Variants in SDK2 observed in about 807,000 individuals in gnomAD.
SDK2 encodes sidekick cell adhesion molecule 2.
Under a neutral mutation model 253.9 loss-of-function variants are expected in SDK2, and 105 were observed. The ratio of observed to expected loss-of-function variants is 0.41; its 90% CI spans 0.35 to 0.49. The LOEUF (loss-of-function observed/expected upper bound fraction) is 0.49, where lower values mean the gene tolerates loss of function less well. Ranked by LOEUF, SDK2 falls within the 20% of genes least tolerant of loss-of-function variation. The probability of loss-of-function intolerance (pLI) is 0.06; values close to 1 mark genes in which losing one functional copy is unlikely to be tolerated. For missense variants in SDK2, 2,608 were observed against 3,003.0 expected (o/e 0.87, Z 3.07); for synonymous variants, 1,249 against 1,234.9 (o/e 1.01, Z -0.24).
rs1250479452 is a variant in SDK2 at position 73,414,737 on chromosome 17, A to G, written c.2391T>C (p.Asn797=). ...TGGAATTGGTGGCTTCCGCGTGCACATTGCCCGGAGGGACCGTGGGAACTA... is the reference window on the plus strand; with the variant it reads ...TGGAATTGGTGGCTTCCGCGTGCACGTTGCCCGGAGGGACCGTGGGAACTA... The part of the protein sequence containing the change: ...LQGVPTVPPG[N]VHAEATNSTT... The change falls in exon 18 of 45, where the codon AAT becomes AAC. Residue 797 remains asparagine (N), a synonymous_variant. Coordinates refer to ENST00000392650, the MANE Select transcript of SDK2 (RefSeq NM_001144952.2). The G allele has an allele frequency of 3.1e-6, 5 of 1,613,326 alleles. No homozygotes were observed. The African/African-American group carries it at 5.3e-5, about 17-fold the overall frequency.
chr17:73,439,360 C>G (rs549450341), intron 6 of SDK2, among the ~76,000 whole-genome samples: 2 of 152,120 alleles, frequency 1.3e-5, no homozygotes, highest in Non-Finnish European at 2.9e-5. Context: ...TGGGCTAATA[C>G]GCCATGCCTG....
intron 2 of SDK2, among the ~76,000 whole-genome samples, chr17:73,499,469 T>C (rs542192657): frequency 6.6e-6 from 1 of 152,348 alleles, no homozygotes; most frequent in South Asian, 2.1e-4. Context: ...ACACATCTGC[T>C]CTTCTCCACA....
chr17:73,364,991 C>T (rs1162801298), intron 38 of SDK2, among the ~76,000 whole-genome samples: 2 of 152,136 alleles, frequency 1.3e-5, no homozygotes, highest in Non-Finnish European at 2.9e-5. Context: ...TCCCTGTTTC[C>T]GTTGACCAAA....
chr17:73,500,301 C>T (rs2063878506), intron 2 of SDK2, among the ~76,000 whole-genome samples: 1 of 143,886 alleles, frequency 6.9e-6, no homozygotes, highest in Admixed American at 6.9e-5. Flanking sequence ...TCCATCTCCT[C>T]CATCCTTCTC....
At chr17:73,446,386 T>C (rs1326835864) in intron 5 of SDK2, among the ~76,000 whole-genome samples, 2 of 152,132 alleles carry the variant, frequency 1.3e-5, no homozygotes, top group South Asian at 2.1e-4. Context: ...CCAGATATAC[T>C]TGTGACGCCG....
chr17:73,494,002 G>T lies in SDK2; in HGVS notation c.224+13436C>A, dbSNP rs188515724. 3.8e-3 allele frequency among the ~76,000 whole-genome samples: 579 copies of T among 152,342 alleles called. 3 individuals are homozygous for T. Among genetic ancestry groups the T allele is most frequent in the African/African-American group, 0.013 (556 of 41,578 alleles). On this transcript the variant is annotated intron_variant, in intron 2 of 44. Coordinates refer to ENST00000392650, the MANE Select transcript of SDK2 (RefSeq NM_001144952.2). ...GCAAACATCTCATCAGAAGAGAGAG[G>T]TGAGGACAGAACATGTGACCTGGGG... is the stretch of plus-strand genomic sequence containing the variant.
Position 73,365,286 on chromosome 17 carries a change from C to T in SDK2, c.5277G>A (p.Leu1759=). 1 of 1,612,266 alleles carries T rather than the reference C, an allele frequency of 6.2e-7. No individual in the cohort carries two copies. Among genetic ancestry groups the T allele is most frequent in the Non-Finnish European group, 8.5e-7 (1 of 1,179,154 alleles). ...CCACGGGGCTGCAGGGCTCGTACAC[C>T]AGCCTGTAGCCCTCCAGGATGCCAT... ...FPNGILEGYR[L]VYEPCSPVDG... The change falls in exon 38 of 45, where the codon CTG becomes CTA. Residue 1759 remains leucine (L), a synonymous_variant. Transcript: ENST00000392650.
At chr17:73,463,937 T>TAA (rs1311722639) in intron 3 of SDK2, among the ~76,000 whole-genome samples, 1 of 152,256 alleles carries the variant, frequency 6.6e-6, no homozygotes, top group African/African-American at 2.4e-5. Context: ...AACGTTTGCA[T>TAA]AAACCCCAGT....
chr17:73,399,819 G>A (rs982289088), intron 21 of SDK2, among the ~76,000 whole-genome samples: 1 of 152,136 alleles, frequency 6.6e-6, no homozygotes, highest in Non-Finnish European at 1.5e-5. Context: ...AAAGAACACA[G>A]ATTCTGGAGT....
chr17:73,569,773 T>C (rs1476738672), intron 1 of SDK2, among the ~76,000 whole-genome samples: 1 of 151,862 alleles, frequency 6.6e-6, no homozygotes, highest in Non-Finnish European at 1.5e-5. Flanking sequence ...CCACTCACAT[T>C]GGTAGATGGG....
rs139516980 is a variant in SDK2 at position 73,362,505 on chromosome 17, T to A, written c.5306-660A>T. Among the ~76,000 whole-genome samples, 607 of 151,762 alleles carry A rather than the reference T, an allele frequency of 4.0e-3. 2 individuals carry two copies. The highest frequency in any genetic ancestry group is 0.014 in the African/African-American group (590 of 41,330). On this transcript the variant is annotated intron_variant, in intron 38 of 44. Transcript: ENST00000392650. ...TCCTGGGTTCAAGCCGTCCTGCCACTTTCAGCCTTCCAAGTAGCTAAGACT... is the reference window on the plus strand; with the variant it reads ...TCCTGGGTTCAAGCCGTCCTGCCACATTCAGCCTTCCAAGTAGCTAAGACT...
intron 1 of SDK2, among the ~76,000 whole-genome samples, chr17:73,532,384 C>T (rs1283446330): frequency 6.6e-6 from 1 of 152,172 alleles, no homozygotes; most frequent in African/African-American, 2.4e-5. Context: ...CCCCACACTC[C>T]ACCCCAGGCC....
chr17:73,488,259 G>A (rs1049769959), intron 2 of SDK2, among the ~76,000 whole-genome samples: 4 of 152,078 alleles, frequency 2.6e-5, no homozygotes, highest in Non-Finnish European at 5.9e-5. Flanking sequence ...CTTGTGATTC[G>A]CCTGCCCCAA....
intron 1 of SDK2, among the ~76,000 whole-genome samples, chr17:73,532,669 A>T (rs901769166): frequency 1.3e-5 from 2 of 152,246 alleles, no homozygotes; most frequent in African/African-American, 4.8e-5. Context: ...CCTGTTAATT[A>T]GGCCTGTAAT....
chr17:73,488,087 C>A (rs1200951688), intron 2 of SDK2, among the ~76,000 whole-genome samples: 1 of 152,138 alleles, frequency 6.6e-6, no homozygotes, highest in Non-Finnish European at 1.5e-5. Context: ...GCGATCTCGG[C>A]TCACTGCAAG....
In SDK2 at chr17:73,393,541, T is replaced by C. The variant is rs901368128; in HGVS notation, c.3898+19A>G. On this transcript the variant is annotated intron_variant, in intron 27 of 44. Coordinates refer to ENST00000392650, the MANE Select transcript of SDK2 (RefSeq NM_001144952.2). ...GGCTCCTCCCAGCCTTCCCCAAGCT[T>C]GCTGGGATACGGACTCACCATCATC... 8 of 1,510,118 alleles carry C rather than the reference T, an allele frequency of 5.3e-6. No homozygotes were observed. The allele number at this position is 1,510,118 out of a possible 1,614,324, so 93.5% of individuals were successfully genotyped here.
At chr17:73,636,496 T>C (rs2046331066) in intron 1 of SDK2, among the ~76,000 whole-genome samples, 1 of 151,972 alleles carries the variant, frequency 6.6e-6, no homozygotes, top group Non-Finnish European at 1.5e-5. Flanking sequence ...GAGACCAGCC[T>C]GGCCAACATG....
rs955683105 is a variant in SDK2, at chr17:73,496,729, C to T, written c.224+10709G>A. On this transcript the variant is annotated intron_variant, in intron 2 of 44. Transcript: ENST00000392650. This position sits in a 1 kb window ranked among gnomAD's most constrained non-coding sequence, Gnocchi z 4.7. Reference sequence around the variant, plus strand: ...AGGGCAACTGGCTCAACCTGTCATGCCCCTTCCAGTCTCCAATTCTTGATT... The same window carrying T: ...AGGGCAACTGGCTCAACCTGTCATGTCCCTTCCAGTCTCCAATTCTTGATT... Among the ~76,000 whole-genome samples, 2 of 152,120 alleles carry T rather than the reference C, an allele frequency of 1.3e-5. No homozygotes were observed. Among genetic ancestry groups the T allele is most frequent in the Non-Finnish European group, 2.9e-5 (2 of 68,018 alleles).
chr17:73,364,810 C>T (rs1209045695), intron 38 of SDK2, among the ~76,000 whole-genome samples: 13 of 151,970 alleles, frequency 8.6e-5, no homozygotes, highest in South Asian at 4.1e-4. Flanking sequence ...TCAGTAGAGA[C>T]GGGGTTTCAC....
Sources: allele counts gnomAD v4.1 joint callset (sites outside exome capture counted in the v4.1 genomes callset), GRCh38; gene constraint gnomAD v4.1.1; non-coding constraint Gnocchi (gnomAD v3.1); transcripts MANE v1.5; gene names NCBI Gene and HGNC (gene_info 2026-07-23, HGNC 2026-07-21).